Variants in CHEK1 observed in about 807,000 individuals in gnomAD.
The protein encoded by CHEK1 is serine/threonine-protein kinase Chk1.
CHEK1 carries 32 observed loss-of-function variants against 60.2 expected under a neutral mutation model. The observed-to-expected ratio is 0.53, with a 90% CI of 0.40 to 0.71. The LOEUF is 0.71. CHEK1 is among the 30% of genes least tolerant of loss of function. The pLI is 0.00. For synonymous variants in CHEK1, 179 were observed against 187.2 expected, an observed-to-expected ratio of 0.96 and a Z score of 0.36; for missense variants, 399 against 564.6, an observed-to-expected ratio of 0.71 and a Z score of 2.97.
At chr11:125,678,282 G>A (rs1942623743), downstream of CHEK1, 6 of 1,613,878 alleles carry the variant, frequency 3.7e-6, no homozygotes, top group Middle Eastern at 1.6e-4. Context: ...AAGCTCATTA[G>A]GCTGACTTGA....
downstream of CHEK1, among the ~76,000 whole-genome samples, chr11:125,657,917 T>G (rs1941949302): frequency 1.3e-5 from 2 of 152,250 alleles, no homozygotes; most frequent in South Asian, 4.1e-4. Context: ...AGATTAGTGT[T>G]TCCATAGGAG....
downstream of CHEK1, among the ~76,000 whole-genome samples, chr11:125,658,042 G>A (rs1941950913): frequency 6.6e-6 from 1 of 152,106 alleles, no homozygotes; most frequent in African/African-American, 2.4e-5. Flanking sequence ...GGTGTGGTCA[G>A]TATAAGTTGT....
intron 13 of CHEK1, among the ~76,000 whole-genome samples, chr11:125,671,170 A>G (rs550321019): frequency 6.6e-6 from 1 of 152,290 alleles, no homozygotes; most frequent in African/African-American, 2.4e-5. Flanking sequence ...TGGGATTACA[A>G]GTGTGAGCCA....
intron 8 of CHEK1, among the ~76,000 whole-genome samples, chr11:125,639,962 C>T (rs1459513549): frequency 6.6e-6 from 1 of 152,142 alleles, no homozygotes; most frequent in African/African-American, 2.4e-5. Flanking sequence ...TTCTCATCAG[C>T]ATATCTACAT....
chr11:125,680,705 C>G, downstream of CHEK1: 1 of 1,607,944 alleles, frequency 6.2e-7, no homozygotes, highest in Non-Finnish European at 8.5e-7. Context: ...TTGTATTTAC[C>G]TGAAGCCTAG....
chr11:125,652,599 A>G (rs903934527), intron 11 of CHEK1, among the ~76,000 whole-genome samples: 1 of 151,594 alleles, frequency 6.6e-6, no homozygotes, highest in African/African-American at 2.4e-5. Context: ...TGGGTTGGGG[A>G]CACACATACC....
At position 125,652,073 on chromosome 11, in the gene CHEK1, C is replaced by T. The variant is rs3731470; in HGVS notation, c.1234-1673C>T. Among the ~76,000 whole-genome samples, 70 of 152,270 alleles carry T rather than the reference C, an allele frequency of 4.6e-4. No homozygotes were observed. The South Asian group carries it at 0.01, about 23-fold the overall frequency. On this transcript the variant is annotated intron_variant, in intron 11 of 12. Transcript: ENST00000438015. ...GTGGGTTATTTCAGTGCTGCACAGT[C>T]GTGGTATGGTTGTGTGTTTTCATAG...
At chr11:125,626,591 G>C (rs1940623313) in intron 1 of CHEK1, 158 bp from the exon 2 acceptor site, 3 of 647,960 alleles carry the variant, frequency 4.6e-6, no homozygotes, top group Non-Finnish European at 8.2e-6. Context: ...GTTTAGAATA[G>C]TTGTTCGTGG....
chr11:125,676,544 C>G (rs1251117900), downstream of CHEK1: 2 of 1,595,702 alleles, frequency 1.3e-6, no homozygotes, highest in East Asian at 2.2e-5. Flanking sequence ...TGATTCACAT[C>G]TGGGAGGGGT....
Position 125,651,286 on chromosome 11 carries a change from CTTT to C in CHEK1, c.1234-2443_1234-2441del, listed in dbSNP as rs59057522. 2.4e-3 allele frequency among the ~76,000 whole-genome samples: 307 copies of C among 128,132 alleles called. 2 individuals carry two copies. Among genetic ancestry groups the C allele is most frequent in the African/African-American group, 4.9e-3 (160 of 32,864 alleles). 84.1% of individuals were successfully genotyped at this position (128,132 alleles called of 152,430 possible). A position where few individuals can be genotyped will look rare whatever the true frequency, so the allele number is the denominator to read the frequency against. Reference sequence around the variant, plus strand: ...ACAAAGGTGAAATAAAGACAAGCCTCTTTTTTTTTTTTTTTTTTTGAGATGGAG... The same window carrying C: ...ACAAAGGTGAAATAAAGACAAGCCTCTTTTTTTTTTTTTTTTGAGATGGAG... On this transcript the variant is annotated intron_variant, in intron 11 of 12. Coordinates refer to ENST00000438015, the MANE Select transcript of CHEK1 (RefSeq NM_001114122.3).
intron 13 of CHEK1, among the ~76,000 whole-genome samples, chr11:125,666,110 G>A (rs1430938412): frequency 6.7e-6 from 1 of 148,168 alleles, no homozygotes; most frequent in African/African-American, 2.5e-5. Context: ...TTTTTTTTCT[G>A]TTTTTTTATG....
intron 13 of CHEK1, chr11:125,672,534 CA>C: frequency 1.3e-6 from 2 of 1,598,582 alleles, no homozygotes; most frequent in Non-Finnish European, 8.5e-7. Context: ...TAAAATGAGC[CA>C]AATAGAGTGA....
At chr11:125,668,177 T>C (rs1474255509) in intron 13 of CHEK1, among the ~76,000 whole-genome samples, 2 of 152,226 alleles carry the variant, frequency 1.3e-5, no homozygotes, top group Non-Finnish European at 2.9e-5. Flanking sequence ...TAACAATGTC[T>C]TTTGTAAAAA....
chr11:125,633,403 T>A, intron 6 of CHEK1, 52 bp downstream of exon 6: 2 of 1,378,756 alleles, frequency 1.5e-6, no homozygotes, highest in Non-Finnish European at 1.9e-6. Flanking sequence ...AGATTAGTTA[T>A]ACTGAAATAA....
chr11:125,637,787 G>A (rs548251947), intron 8 of CHEK1, among the ~76,000 whole-genome samples: 3 of 152,304 alleles, frequency 2.0e-5, no homozygotes, highest in Admixed American at 6.5e-5. Context: ...TCTTCCTGAA[G>A]AAATTACATT....
At chr11:125,650,872 G>A (rs1475742474) in intron 11 of CHEK1, among the ~76,000 whole-genome samples, 5 of 152,196 alleles carry the variant, frequency 3.3e-5, no homozygotes, top group Non-Finnish European at 7.3e-5. Context: ...CAAAAAATCT[G>A]CAGAGTGTTC....
At chr11:125,675,741 C>T (rs554765406) in intron 13 of CHEK1, among the ~76,000 whole-genome samples, 3 of 152,166 alleles carry the variant, frequency 2.0e-5, no homozygotes, top group Admixed American at 2.0e-4. Context: ...GAATATATAG[C>T]TATAGCTTAC....
chr11:125,636,411 G>A lies in CHEK1; in HGVS notation c.718+878G>A, dbSNP rs533983907. 5.3e-5 allele frequency among the ~76,000 whole-genome samples: 8 copies of A among 152,184 alleles called. No individual in the cohort carries two copies. In the East Asian group the frequency reaches 1.5e-3, roughly 29 times the overall value. Reference sequence around the variant, plus strand: ...TTTCACAGATACAAAAGAGATATAAGTATCTGTGTAACTTAATCATGACAC... The same window carrying A: ...TTTCACAGATACAAAAGAGATATAAATATCTGTGTAACTTAATCATGACAC... On this transcript the variant is annotated intron_variant, in intron 7 of 12. Transcript: ENST00000438015.
At chr11:125,654,620 C>T (rs577427451) in intron 12 of CHEK1, among the ~76,000 whole-genome samples, 2 of 152,158 alleles carry the variant, frequency 1.3e-5, no homozygotes, top group South Asian at 4.2e-4. Context: ...GATAGTATTA[C>T]AGCCCTTGAT....
Sources: gnomAD v4.1 joint callset for allele counts (sites outside exome capture counted in the v4.1 genomes callset) on GRCh38, gnomAD v4.1.1 for gene constraint, MANE v1.5 for transcripts, NCBI Gene and HGNC (gene_info 2026-07-23, HGNC 2026-07-21) for gene names.